Variants in EXPH5 observed in about 807,000 individuals in gnomAD.
EXPH5 encodes the protein exophilin 5.
A neutral mutation model predicts 41.1 loss-of-function variants in EXPH5; 42 were observed. That is an observed-to-expected ratio of 1.02 (90% CI 0.80 to 1.32). The LOEUF (loss-of-function observed/expected upper bound fraction) is 1.32. Ranked by LOEUF, EXPH5 falls within the 40% of genes most tolerant of loss-of-function variation. The probability of loss-of-function intolerance (pLI) is 0.00; values close to 1 mark genes in which losing one functional copy is unlikely to be tolerated. For synonymous variants in EXPH5, 798 were observed against 833.5 expected, an observed-to-expected ratio of 0.96 and a Z score of 0.73; for missense variants, 2,298 against 2,314.5, an observed-to-expected ratio of 0.99 and a Z score of 0.15.
intron 2 of EXPH5, 116 bp from the exon 3 acceptor site, chr11:108,539,302 G>T: frequency 1.4e-6 from 1 of 716,786 alleles, no homozygotes; most frequent in Non-Finnish European, 2.2e-6. Context: ...TAGAAACAGG[G>T]CAGGCAACCT....
At chr11:108,573,294 G>A (rs1422054192) in intron 1 of EXPH5, among the ~76,000 whole-genome samples, 3 of 152,140 alleles carry the variant, frequency 2.0e-5, no homozygotes, top group African/African-American at 7.2e-5. Context: ...CCCTACCAGG[G>A]TACTGATTTG....
At chr11:108,554,307 A>G (rs563152793) in intron 1 of EXPH5, among the ~76,000 whole-genome samples, 9 of 152,214 alleles carry the variant, frequency 5.9e-5, no homozygotes, top group African/African-American at 2.2e-4. Flanking sequence ...CTCCCGCCTC[A>G]GCCTCCCAAA....
chr11:108,543,539 G>A lies in EXPH5; in HGVS notation c.120-1727C>T, dbSNP rs1181857660. ...ATTCTGCAGCTTGGAAAAGTATTCC[G>A]TGTGGCTCAGCAGCTGTTATCCTTT... On this transcript the variant is annotated intron_variant, in intron 1 of 5. Coordinates refer to ENST00000265843, the MANE Select transcript of EXPH5 (RefSeq NM_015065.3). Among the ~76,000 whole-genome samples, 5 of 152,296 alleles carry A rather than the reference G, an allele frequency of 3.3e-5. No individual in the cohort carries two copies. The East Asian group carries it at 7.7e-4, about 23-fold the overall frequency.
At chr11:108,565,774 T>C (rs562991352) in intron 1 of EXPH5, among the ~76,000 whole-genome samples, 1 of 152,344 alleles carries the variant, frequency 6.6e-6, no homozygotes, top group South Asian at 2.1e-4. Context: ...ACCAGCCCCA[T>C]GCTTACCTAT....
intron 1 of EXPH5, among the ~76,000 whole-genome samples, chr11:108,548,396 AGAAAT>A (rs1356690054): frequency 1.3e-5 from 2 of 152,198 alleles, no homozygotes; most frequent in African/African-American, 4.8e-5. Flanking sequence ...GAAGATAGTG[AGAAAT>A]GAAATTCAGA....
intron 3 of EXPH5, among the ~76,000 whole-genome samples, chr11:108,537,145 G>A (rs2093884899): frequency 6.6e-6 from 1 of 151,946 alleles, no homozygotes; most frequent in South Asian, 2.1e-4. Context: ...TGTATGACCT[G>A]ATTTATATCA....
rs558634799 is a variant in EXPH5, at chr11:108,516,872, A to G, written c.631+1363T>C. Among the ~76,000 whole-genome samples the G allele has an allele frequency of 1.1e-3, 166 of 152,364 alleles. 1 individual carries two copies. Among genetic ancestry groups the G allele is most frequent in the African/African-American group, 3.7e-3 (152 of 41,588 alleles). Reference sequence around the variant, plus strand: ...CCCTATAGCCACAATAAAATAATCAAGCAATGCTGAAGTATAAGGTGGGGC... The same window carrying G: ...CCCTATAGCCACAATAAAATAATCAGGCAATGCTGAAGTATAAGGTGGGGC... On this transcript the variant is annotated intron_variant, in intron 5 of 5. Coordinates refer to ENST00000265843, the MANE Select transcript of EXPH5 (RefSeq NM_015065.3).
chr11:108,570,765 T>C (rs1160100233), intron 1 of EXPH5, among the ~76,000 whole-genome samples: 2 of 152,184 alleles, frequency 1.3e-5, no homozygotes, highest in East Asian at 1.9e-4. Context: ...AGGCTGGTCT[T>C]GAACTCCTGG....
At chr11:108,601,416 G>C in the EXPH5 span, among the ~76,000 whole-genome samples, 1 of 152,064 alleles carries the variant, frequency 6.6e-6, no homozygotes, top group African/African-American at 2.4e-5. Flanking sequence ...GTATTTCCAA[G>C]ACTGACTAAG....
chr11:108,535,147 C>T (rs911895580), intron 3 of EXPH5, among the ~76,000 whole-genome samples: 2 of 151,980 alleles, frequency 1.3e-5, no homozygotes, highest in Non-Finnish European at 2.9e-5. Context: ...GCAGCAGTTC[C>T]GAAATTTGAA....
chr11:108,525,387 A>G (rs1395290280), intron 4 of EXPH5, among the ~76,000 whole-genome samples: 1 of 152,196 alleles, frequency 6.6e-6, no homozygotes, highest in Non-Finnish European at 1.5e-5. Context: ...TTGTTCAGAG[A>G]TAAGGAGTAG....
At chr11:108,547,583 A>G (rs1447726578) in intron 1 of EXPH5, among the ~76,000 whole-genome samples, 1 of 152,236 alleles carries the variant, frequency 6.6e-6, no homozygotes, top group Admixed American at 6.5e-5. Context: ...GCAATGTACA[A>G]GTCTGCCACT....
At chr11:108,583,481 T>C (rs907571937) in intron 1 of EXPH5, among the ~76,000 whole-genome samples, 2 of 151,616 alleles carry the variant, frequency 1.3e-5, no homozygotes, top group Non-Finnish European at 2.9e-5. Flanking sequence ...AAATTCAAGA[T>C]ATGTTCAAAT....
rs752649664 is a variant in EXPH5 at position 108,511,842 on chromosome 11, C to T, written c.3665G>A (p.Arg1222His). 20 of 1,591,362 alleles carry T rather than the reference C, an allele frequency of 1.3e-5. No individual in the cohort carries two copies. The highest frequency in any genetic ancestry group is 3.5e-5 in the South Asian group (3 of 86,130). The change falls in exon 6 of 6, where the codon CGT becomes CAT. Residue 1222 changes from arginine (R) to histidine (H), a missense_variant. Coordinates refer to ENST00000265843, the MANE Select transcript of EXPH5 (RefSeq NM_015065.3). ...CTTAACTTTATGTAATGTTTTCCCA[C>T]GTTCTTTTCCTGACAAGTCTGAGCA... Reference protein sequence around the residue: ...PFCSDLSGKERGKTLHKVKTT... With the variant: ...PFCSDLSGKEHGKTLHKVKTT...
chr11:108,606,784 C>T, the EXPH5 span, among the ~76,000 whole-genome samples: 4 of 152,222 alleles, frequency 2.6e-5, no homozygotes, highest in East Asian at 1.9e-4. Context: ...GTTTATATAC[C>T]TTTTCCCACT....
At chr11:108,538,105 G>T in intron 3 of EXPH5, 1 of 985,416 alleles carries the variant, frequency 1.0e-6, no homozygotes, top group African/African-American at 1.7e-5. Context: ...ACCCAAGAGG[G>T]GAGGACAGTG....
rs765871321 is a variant in EXPH5, at chr11:108,512,995, C to A, written c.2512G>T (p.Glu838Ter). Residue 838 changes from glutamate (E) to a stop codon, truncating the protein, a stop_gained, in exon 6 of 6, where the codon GAA becomes TAA. Coordinates refer to ENST00000265843, the MANE Select transcript of EXPH5 (RefSeq NM_015065.3). LOFTEE classifies it low-confidence loss of function (END_TRUNC). ...GCHQELTVNN[E>*]DISRIITNNH... ...TTTGTAATAATTCTTGAAATATCTTCATTATTTACAGTTAATTCCTGGTGA... is the reference window on the plus strand; with the variant it reads ...TTTGTAATAATTCTTGAAATATCTTAATTATTTACAGTTAATTCCTGGTGA... The A allele has an allele frequency of 3.1e-6, 5 of 1,613,552 alleles. No individual in the cohort carries two copies. Among genetic ancestry groups the A allele is most frequent in the African/African-American group, 1.3e-5 (1 of 74,910 alleles).
rs957151915 is a variant in EXPH5, at chr11:108,506,376, C to T, written c.*3161G>A. On this transcript the variant is annotated 3_prime_UTR_variant, in exon 6 of 6. Transcript: ENST00000265843. The stretch of plus-strand genomic sequence containing the variant: ...TACTTCAGCCAGACCAACATGCAAA[C>T]GTTACAAATAGAGCAACTGAACACT... 6.6e-6 allele frequency: 1 copy of T among 152,138 alleles called. No individual in the cohort carries two copies. Among genetic ancestry groups the T allele is most frequent in the Admixed American group, 6.5e-5 (1 of 15,278 alleles). The allele number at this position is 152,138 out of a possible 1,614,324, so 9.4% of individuals were successfully genotyped here.
chr11:108,515,967 G>A (rs532361832), intron 5 of EXPH5, among the ~76,000 whole-genome samples: 1 of 151,650 alleles, frequency 6.6e-6, no homozygotes, highest in Non-Finnish European at 1.5e-5. Context: ...AGCTACTCGG[G>A]AGGCTGAGGC....
Sources: allele counts gnomAD v4.1 joint callset (sites outside exome capture counted in the v4.1 genomes callset), GRCh38; gene constraint gnomAD v4.1.1; transcripts MANE v1.5; gene names NCBI Gene and HGNC (gene_info 2026-07-23, HGNC 2026-07-21).